The following AIFM3 variants were observed in gnomAD, a reference collection of about 807,000 sequenced individuals.
The protein encoded by AIFM3 is AIF family member 3, also known as apoptosis-inducing factor 3.
In AIFM3, 71 loss-of-function variants were observed where a neutral mutation model predicts 82.7. The ratio of observed to expected loss-of-function variants is 0.86; its 90% confidence interval spans 0.71 to 1.05. The LOEUF is 1.05. AIFM3 is among the 50% of genes least tolerant of loss of function. The pLI is 0.00. For synonymous variants in AIFM3, 337 were observed against 329.1 expected (o/e 1.02, Z -0.26); for missense variants, 748 against 816.7 (o/e 0.92, Z 1.03).
intron 17 of AIFM3, 123 bp downstream of exon 17, chr22:20,979,492 C>G (rs1285217303): frequency 6.8e-7 from 1 of 1,479,918 alleles, no homozygotes; most frequent in Non-Finnish European, 9.4e-7. Flanking sequence ...CCGGTAAGAA[C>G]TCGCTGGCGG....
At chr22:20,969,033 G>T (rs1923101479) in intron 2 of AIFM3, among the ~76,000 whole-genome samples, 2 of 152,194 alleles carry the variant, frequency 1.3e-5, no homozygotes, top group Non-Finnish European at 2.9e-5. Context: ...GGACACCTAG[G>T]CCTGGGCTGG....
chr22:20,965,527 C>G (rs1261951188), upstream of AIFM3: 4 of 152,644 alleles, frequency 2.6e-5, no homozygotes, highest in Non-Finnish European at 5.8e-5. Flanking sequence ...CATCGGCTTC[C>G]CAGAGAGAGG....
chr22:20,980,582 TG>T, intron 19 of AIFM3, 164 bp from the exon 20 acceptor site: 1 of 820,044 alleles, frequency 1.2e-6, no homozygotes, highest in Non-Finnish European at 2.1e-6. Context: ...ATTCACCCTC[TG>T]GGAGAGAGCT....
intron 2 of AIFM3, among the ~76,000 whole-genome samples, chr22:20,969,321 C>G (rs998517274): frequency 6.6e-6 from 1 of 152,228 alleles, no homozygotes; most frequent in African/African-American, 2.4e-5. Context: ...CTGCCCCTTT[C>G]TGGCTGTGTG....
rs1461728093 is a variant in AIFM3 at position 20,977,962 on chromosome 22, C to T, written c.1434C>T (p.Asn478=). Residue 478 remains asparagine (N), a synonymous_variant, in exon 16 of 21, where the codon AAC becomes AAT. Coordinates refer to ENST00000440238, the MANE Select transcript of AIFM3 (RefSeq NM_001386814.1). ...CCTTCCCCCTTGCCTGGAGGAACAA[C>T]CGCAAAGTGAACATTCCACATTGGC... The part of the protein sequence containing the change: ...AVTFPLAWRN[N]RKVNIPHWQM... The T allele has an allele frequency of 1.2e-6, 2 of 1,614,170 alleles. No individual in the cohort carries two copies. Among genetic ancestry groups the T allele is most frequent in the East Asian group, 2.2e-5 (1 of 44,884 alleles).
At chr22:20,977,242 C>T (rs578036686) in intron 14 of AIFM3, 147 bp downstream of exon 14, 29 of 1,151,912 alleles carry the variant, frequency 2.5e-5, no homozygotes, top group African/African-American at 6.1e-5. Flanking sequence ...CCCCACTTTA[C>T]GGAGCTGTTG....
intron 2 of AIFM3, among the ~76,000 whole-genome samples, chr22:20,971,562 C>G (rs1923269159): frequency 6.6e-6 from 1 of 152,206 alleles, no homozygotes; most frequent in Admixed American, 6.5e-5. Flanking sequence ...GCCCAGGGGA[C>G]AGCTCAGGCA....
intron 12 of AIFM3, 45 bp downstream of exon 12, chr22:20,976,811 G>C: frequency 6.3e-7 from 1 of 1,596,974 alleles, no homozygotes; most frequent in Non-Finnish European, 8.5e-7. Context: ...CTGGGGCCCA[G>C]CCCGGCCCCT....
intron 2 of AIFM3, among the ~76,000 whole-genome samples, chr22:20,969,645 G>A (rs151127019): frequency 6.6e-6 from 1 of 152,134 alleles, no homozygotes; most frequent in Non-Finnish European, 1.5e-5. Flanking sequence ...TAGCCAGGAT[G>A]GTCTCTATCT....
At position 20,976,298 on chromosome 22, in the gene AIFM3, A is replaced by C. The variant is rs1372462267; in HGVS notation, c.891A>C (p.Pro297=). Residue 297 remains proline (P), a synonymous_variant, in exon 10 of 21, where the codon CCA becomes CCC. Coordinates refer to ENST00000440238, the MANE Select transcript of AIFM3 (RefSeq NM_001386814.1). Reference sequence around the variant, plus strand: ...AGTACAGCAAGCTGCTGCTGGCACCAGGGAGCAGGTGGGAGGGTCTCCTTT... The same window carrying C: ...AGTACAGCAAGCTGCTGCTGGCACCCGGGAGCAGGTGGGAGGGTCTCCTTT... ...KLEYSKLLLA[P]GSSPKTLSCK... 6.2e-7 allele frequency: 1 copy of C among 1,614,002 alleles called. No individual in the cohort carries two copies. Among genetic ancestry groups the C allele is most frequent in the Admixed American group, 1.7e-5 (1 of 60,028 alleles).
intron 14 of AIFM3, 36 bp downstream of exon 14, chr22:20,977,131 C>T: frequency 6.2e-7 from 1 of 1,612,922 alleles, no homozygotes; most frequent in African/African-American, 1.3e-5. Flanking sequence ...CACAAAGCAG[C>T]CCAGCCGTCT....
rs931540911 is a variant in AIFM3, at chr22:20,981,284, A to G, written c.*253A>G. ...GACAAGCCCTGCCTCTTCTCCCTCT[A>G]TTGGGACTGGTCCCCTGAAGAACCC... On this transcript the variant is annotated 3_prime_UTR_variant, in exon 21 of 21. Coordinates refer to ENST00000440238, the MANE Select transcript of AIFM3 (RefSeq NM_001386814.1). The G allele has an allele frequency of 9.0e-6, 5 of 556,342 alleles. No homozygotes were observed. Among genetic ancestry groups the G allele is most frequent in the African/African-American group, 5.7e-5 (3 of 52,916 alleles). The allele number at this position is 556,342 out of a possible 1,614,324, so 34.5% of individuals were successfully genotyped here.
At chr22:20,971,490 G>T (rs918168426) in intron 2 of AIFM3, among the ~76,000 whole-genome samples, 1 of 152,228 alleles carries the variant, frequency 6.6e-6, no homozygotes, top group Non-Finnish European at 1.5e-5. Context: ...TGGATGGGCT[G>T]GGCAGCCAGG....
In AIFM3 at chr22:20,973,857, C is replaced by T; in HGVS notation, c.345C>T (p.Pro115=). Reference sequence around the variant, plus strand: ...ATAAGTGTCCGCACTACGGCGCACCCCTGGTGAAAGGTGAGCTGTCAGGTG... The same window carrying T: ...ATAAGTGTCCGCACTACGGCGCACCTCTGGTGAAAGGTGAGCTGTCAGGTG... The part of the protein sequence containing the change: ...LGHKCPHYGA[P]LVKGVLSRGR... Residue 115 remains proline (P), a synonymous_variant, in exon 4 of 21, where the codon CCC becomes CCT. Coordinates refer to ENST00000440238, the MANE Select transcript of AIFM3 (RefSeq NM_001386814.1). 6.5e-7 allele frequency: 1 copy of T among 1,541,474 alleles called. No individual in the cohort carries two copies. The highest frequency in any genetic ancestry group is 8.8e-7 in the Non-Finnish European group (1 of 1,141,384).
chr22:20,970,551 C>G (rs1452955529), intron 2 of AIFM3, among the ~76,000 whole-genome samples: 1 of 152,208 alleles, frequency 6.6e-6, no homozygotes, highest in Non-Finnish European at 1.5e-5. Flanking sequence ...ACCTCCGCCT[C>G]CCAGGTTCAA....
Position 20,977,565 on chromosome 22 carries a change from G to A in AIFM3, c.1283-135G>A, listed in dbSNP as rs553188508. 90 of 1,024,902 alleles carry A rather than the reference G, an allele frequency of 8.8e-5. No homozygotes were observed. In the South Asian group the frequency reaches 1.2e-3, roughly 14 times the overall value. The allele number at this position is 1,024,902 out of a possible 1,614,324, so 63.5% of individuals were successfully genotyped here. ...GAGACCGGGTAGTGGGGACCAGGGT[G>A]CATGAAGGCCTCAGGTAGACAGCCC... is the stretch of plus-strand genomic sequence containing the variant. On this transcript the variant is annotated intron_variant, in intron 14 of 20. Transcript: ENST00000440238.
chr22:20,979,760 G>T, intron 18 of AIFM3, 58 bp downstream of exon 18: 1 of 1,596,248 alleles, frequency 6.3e-7, no homozygotes, highest in Non-Finnish European at 8.6e-7. Flanking sequence ...CGGGAAGGGG[G>T]ATTCATCCCA....
intron 3 of AIFM3, 57 bp downstream of exon 3, chr22:20,973,577 G>C: frequency 6.5e-7 from 1 of 1,544,604 alleles, no homozygotes; most frequent in African/African-American, 1.4e-5. Context: ...GGGAGGGTGA[G>C]GGGGCCATAG....
chr22:20,972,240 A>G (rs967782360), intron 2 of AIFM3, among the ~76,000 whole-genome samples: 1 of 152,054 alleles, frequency 6.6e-6, no homozygotes, highest in South Asian at 2.1e-4. Flanking sequence ...TGTCTCTACT[A>G]AAAATACAAA....
Sources: gnomAD v4.1 joint callset for allele counts (sites outside exome capture counted in the v4.1 genomes callset) on GRCh38, gnomAD v4.1.1 for gene constraint, MANE v1.5 for transcripts, NCBI Gene and HGNC (gene_info 2026-07-23, HGNC 2026-07-21) for gene names.